The following PTPRA variants were observed in gnomAD, a reference collection of about 807,000 sequenced individuals.
The protein encoded by PTPRA is protein tyrosine phosphatase receptor type A, also known as receptor-type tyrosine-protein phosphatase alpha.
A neutral mutation model predicts 104.8 loss-of-function variants in PTPRA; 25 were observed. That is an observed-to-expected ratio of 0.24 (90% CI 0.17 to 0.33). PTPRA has a LOEUF of 0.33. Ranked by LOEUF, PTPRA falls within the 10% of genes least tolerant of loss-of-function variation. The pLI, the probability that PTPRA is intolerant of heterozygous loss-of-function variation, is 1.00. For synonymous variants in PTPRA, 323 were observed against 368.9 expected (o/e 0.88, Z 1.43); for missense variants, 765 against 1,015.3 (o/e 0.75, Z 3.35).
chr20:2,947,764 ATAGCCGCAGAAGT>A (rs1420460097), intron 2 of PTPRA, among the ~76,000 whole-genome samples: 3 of 152,320 alleles, frequency 2.0e-5, no homozygotes, highest in Middle Eastern at 3.4e-3. Context: ...GCTTGGTGTC[ATAGCCGCAGAAGT>A]TAGTGTCTGC....
chr20:2,899,754 T>C (rs775516073), intron 1 of PTPRA, among the ~76,000 whole-genome samples: 3 of 152,174 alleles, frequency 2.0e-5, no homozygotes, highest in Non-Finnish European at 2.9e-5. Flanking sequence ...TTCATTCCAA[T>C]ACTCTTAATT....
chr20:2,940,569 C>A (rs1484605989), intron 2 of PTPRA, among the ~76,000 whole-genome samples: 1 of 152,112 alleles, frequency 6.6e-6, no homozygotes, highest in Non-Finnish European at 1.5e-5. Flanking sequence ...AATAGGTTTT[C>A]CTTTTTTTTG....
Position 2,877,680 on chromosome 20 carries a change from T to G in PTPRA, c.-129+3920T>G, listed in dbSNP as rs138812398. On this transcript the variant is annotated intron_variant, in intron 1 of 23. Transcript: ENST00000399903. ...CATTAAAATTTATTTTAATGTATTC[T>G]CTATGGAAAAGAGAATCCATTAAAT... 7.2e-5 allele frequency among the ~76,000 whole-genome samples: 11 copies of G among 152,354 alleles called. No individual in the cohort carries two copies. The East Asian group carries it at 2.1e-3, about 29-fold the overall frequency.
upstream of PTPRA, among the ~76,000 whole-genome samples, chr20:2,869,786 T>C (rs893808444): frequency 9.9e-5 from 15 of 151,934 alleles, no homozygotes; most frequent in African/African-American, 3.1e-4. Flanking sequence ...GCCAACATGG[T>C]GAAACCCTGT....
intron 1 of PTPRA, among the ~76,000 whole-genome samples, chr20:2,893,729 A>T (rs992746684): frequency 3.3e-5 from 5 of 152,104 alleles, no homozygotes; most frequent in Admixed American, 2.0e-4. Flanking sequence ...GCCCAGAACC[A>T]TTTCCTTCTT....
intron 9 of PTPRA, among the ~76,000 whole-genome samples, chr20:2,998,842 C>A (rs1219926636): frequency 6.6e-6 from 1 of 151,696 alleles, no homozygotes; most frequent in Non-Finnish European, 1.5e-5. Context: ...ATACTGTCTT[C>A]AGAAAAACCC....
intron 11 of PTPRA, among the ~76,000 whole-genome samples, chr20:3,011,541 G>A (rs1384795190): frequency 6.6e-6 from 1 of 152,212 alleles, no homozygotes; most frequent in African/African-American, 2.4e-5. Context: ...GTGAGTCAGA[G>A]TTCAGGAGAA....
chr20:3,024,652 T>C (rs1450059110), intron 17 of PTPRA, 31 bp downstream of exon 17: 4 of 1,610,774 alleles, frequency 2.5e-6, no homozygotes, highest in East Asian at 2.2e-5. Context: ...CTCCTTCAGA[T>C]TGAAGGATCC....
chr20:2,949,155 A>T (rs1272230593), intron 3 of PTPRA, among the ~76,000 whole-genome samples: 1 of 151,968 alleles, frequency 6.6e-6, no homozygotes, highest in East Asian at 1.9e-4. Context: ...GTATTTACAC[A>T]TGATTAGTTC....
At chr20:3,009,756 T>C (rs549074349) in intron 11 of PTPRA, among the ~76,000 whole-genome samples, 62 of 152,142 alleles carry the variant, frequency 4.1e-4, no homozygotes, top group Admixed American at 7.9e-4. Flanking sequence ...GTGGAATAGG[T>C]TGACTTTAAT....
chr20:2,864,787 C>A, the PTPRA span: 1 of 1,169,538 alleles, frequency 8.6e-7, no homozygotes, highest in Non-Finnish European at 1.2e-6. The surrounding 1 kb of genome is among the most constrained non-coding windows in gnomAD (Gnocchi z 5.2). Flanking sequence ...GAGACTCTGA[C>A]GTGAGGCCAG....
In PTPRA at chr20:3,011,549, G is replaced by A. The variant is rs142467245; in HGVS notation, c.906+4129G>A. Among the ~76,000 whole-genome samples, 765 of 152,326 alleles carry A rather than the reference G, an allele frequency of 5.0e-3. 5 individuals carry two copies. Among genetic ancestry groups the A allele is most frequent in the African/African-American group, 0.018 (735 of 41,562 alleles). On this transcript the variant is annotated intron_variant, in intron 11 of 23. Transcript: ENST00000399903. Reference sequence around the variant, plus strand: ...TTGAAGAGTGAGTCAGAGTTCAGGAGAAGAAAGTTGGGCAGAAACTTCAAA... The same window carrying A: ...TTGAAGAGTGAGTCAGAGTTCAGGAAAAGAAAGTTGGGCAGAAACTTCAAA...
At chr20:2,990,866 G>T (rs1477912048) in intron 9 of PTPRA, among the ~76,000 whole-genome samples, 1 of 152,160 alleles carries the variant, frequency 6.6e-6, no homozygotes, top group Non-Finnish European at 1.5e-5. Flanking sequence ...AAGGGCTTAG[G>T]GGGAGTGGTG....
intron 1 of PTPRA, among the ~76,000 whole-genome samples, chr20:2,875,095 C>G (rs747962990): frequency 1.3e-5 from 2 of 152,204 alleles, no homozygotes; most frequent in Admixed American, 6.5e-5. Flanking sequence ...CTTGTAGATT[C>G]TTTCCAATCT....
chr20:2,978,762 TGCCTTTGTAATGTAAAAGCA>T (rs2062549800), intron 6 of PTPRA, among the ~76,000 whole-genome samples: 2 of 152,338 alleles, frequency 1.3e-5, no homozygotes, highest in African/African-American at 4.8e-5. Flanking sequence ...TACTCAGCTC[TGCCTTTGTAATGTAAAAGCA>T]GCCATAGATG....
chr20:3,029,436 C>G (rs73086697), intron 20 of PTPRA, among the ~76,000 whole-genome samples: 194 of 151,614 alleles, frequency 1.3e-3, no homozygotes, highest in African/African-American at 4.5e-3. Flanking sequence ...CCACCTTGCC[C>G]GGCATTTTTT....
rs1046942236 is a variant in PTPRA, at chr20:2,987,606, T to G, written c.528-426T>G. ...TGTCTCTATCATTCTGCAGGAGACTTGTGGCCAGGACTGTGTCCACCCAAT... is the reference window on the plus strand; with the variant it reads ...TGTCTCTATCATTCTGCAGGAGACTGGTGGCCAGGACTGTGTCCACCCAAT... On this transcript the variant is annotated intron_variant, in intron 7 of 23. Transcript: ENST00000399903. Among the ~76,000 whole-genome samples the G allele has an allele frequency of 2.0e-5, 3 of 152,336 alleles. No homozygotes were observed. In the South Asian group the frequency reaches 6.2e-4, roughly 32 times the overall value.
chr20:2,960,711 A>G (rs1388369211), intron 3 of PTPRA, among the ~76,000 whole-genome samples: 2 of 151,770 alleles, frequency 1.3e-5, no homozygotes, highest in African/African-American at 4.8e-5. Flanking sequence ...TAAGTTTTGT[A>G]TTTTTTATAG....
intron 1 of PTPRA, among the ~76,000 whole-genome samples, chr20:2,892,823 C>T (rs1308783563): frequency 2.0e-5 from 3 of 152,170 alleles, no homozygotes; most frequent in African/African-American, 7.2e-5. Flanking sequence ...GAACTAAGTT[C>T]GGTTTAGCTG....
Sources: gnomAD v4.1 joint callset for allele counts (sites outside exome capture counted in the v4.1 genomes callset) on GRCh38, gnomAD v4.1.1 for gene constraint, Gnocchi (gnomAD v3.1) non-coding constraint, MANE v1.5 for transcripts, NCBI Gene and HGNC (gene_info 2026-07-23, HGNC 2026-07-21) for gene names.